The following RAPGEF5 variants were observed in gnomAD, a reference collection of about 807,000 sequenced individuals.
RAPGEF5 encodes Rap guanine nucleotide exchange factor 5.
Under a neutral mutation model 125.2 loss-of-function variants are expected in RAPGEF5, and 65 were observed. That is an observed-to-expected ratio of 0.52 (90% CI 0.43 to 0.64). RAPGEF5 has a LOEUF of 0.64. Among genes scored for constraint, RAPGEF5 ranks in the 30% least tolerant of loss-of-function variants. The pLI, the probability that RAPGEF5 is intolerant of heterozygous loss-of-function variation, is 0.00. For synonymous variants in RAPGEF5, 391 were observed against 385.9 expected (o/e 1.01, Z -0.16); for missense variants, 958 against 1,048.1 (o/e 0.91, Z 1.19).
In RAPGEF5 at chr7:22,162,506, T is replaced by C. The variant is rs200871852; in HGVS notation, c.1319A>G (p.Asn440Ser). The C allele has an allele frequency of 6.2e-7, 1 of 1,609,924 alleles. No homozygotes were observed. Among genetic ancestry groups the C allele is most frequent in the South Asian group, 1.1e-5 (1 of 90,980 alleles). The change falls in exon 13 of 26, where the codon AAC becomes AGC. Residue 440 changes from asparagine to serine, a missense_variant. Transcript: ENST00000665637. ...SAKKYQGKEE[N>S]SDVPRRKRKV... Reference sequence around the variant, plus strand: ...ACGTTTCCTACGCGGAACGTCTGAGTTTTCCTCTTTGCCTTGATACTTCTT... The same window carrying C: ...ACGTTTCCTACGCGGAACGTCTGAGCTTTCCTCTTTGCCTTGATACTTCTT...
intron 11 of RAPGEF5, among the ~76,000 whole-genome samples, chr7:22,179,649 T>C (rs1476195911): frequency 6.6e-6 from 1 of 151,958 alleles, no homozygotes; most frequent in Non-Finnish European, 1.5e-5. Flanking sequence ...CACAAAGATC[T>C]TGCTGATAAA....
intron 7 of RAPGEF5, among the ~76,000 whole-genome samples, chr7:22,254,636 C>T (rs952126606): frequency 1.3e-5 from 2 of 150,782 alleles, no homozygotes; most frequent in African/African-American, 4.9e-5. Flanking sequence ...AAAAATCAAA[C>T]CCCTCAGATT....
intron 6 of RAPGEF5, among the ~76,000 whole-genome samples, chr7:22,290,435 A>T (rs1230432394): frequency 6.6e-6 from 1 of 152,200 alleles, no homozygotes; most frequent in African/African-American, 2.4e-5. Context: ...TACAAAGTCT[A>T]ATCAATAGCT....
rs34791723 is a variant in RAPGEF5, at chr7:22,269,180, C to CAA, written c.748-2170_748-2169dup. 3.5e-3 allele frequency among the ~76,000 whole-genome samples: 258 copies of CAA among 73,820 alleles called. 2 individuals carry two copies. Among genetic ancestry groups the CAA allele is most frequent in the Middle Eastern group, 0.028 (3 of 106 alleles). The allele number at this position is 73,820 out of a possible 152,430, so 48.4% of individuals were successfully genotyped here. A position where few individuals can be genotyped will look rare whatever the true frequency, so the allele number is the denominator to read the frequency against. On this transcript the variant is annotated intron_variant, in intron 6 of 25. Coordinates refer to ENST00000665637, the MANE Select transcript of RAPGEF5 (RefSeq NM_012294.5). ...GCATTGGGAGGGAAAAAGTTTTTGA[C>CAA]AAAAAAAAAAAAAAAAAAAAGAAAC...
At chr7:22,211,880 C>T (rs1785514225) in intron 9 of RAPGEF5, among the ~76,000 whole-genome samples, 1 of 152,076 alleles carries the variant, frequency 6.6e-6, no homozygotes, top group African/African-American at 2.4e-5. Flanking sequence ...CCACAGTCCA[C>T]ACTTAGGCTC....
intron 17 of RAPGEF5, among the ~76,000 whole-genome samples, chr7:22,154,105 CT>C (rs35254223): frequency 0.031 from 4,647 of 149,378 alleles, 82 homozygotes; most frequent in Middle Eastern, 0.097. Context: ...GCCATCTTTC[CT>C]TTTTTTTTTC....
chr7:22,190,775 T>C (rs4722108), intron 11 of RAPGEF5, among the ~76,000 whole-genome samples: 141,538 of 152,200 alleles, frequency 0.93, 65,880 homozygotes, highest in East Asian at 0.99. Flanking sequence ...CTTGTTCAGT[T>C]ATCTTCCCCA....
At chr7:22,133,889 G>C (rs951178964) in intron 23 of RAPGEF5, among the ~76,000 whole-genome samples, 3 of 152,158 alleles carry the variant, frequency 2.0e-5, no homozygotes, top group African/African-American at 4.8e-5. Context: ...GGGCTGGAAG[G>C]ATCCTCAGGT....
intron 9 of RAPGEF5, among the ~76,000 whole-genome samples, chr7:22,217,492 T>C (rs1016232107): frequency 2.0e-5 from 3 of 152,176 alleles, no homozygotes; most frequent in Non-Finnish European, 4.4e-5. Flanking sequence ...TAGCAGGTGG[T>C]TTTTATTCCT....
At chr7:22,316,347 C>T (rs1188557953) in intron 2 of RAPGEF5, among the ~76,000 whole-genome samples, 4 of 73,182 alleles carry the variant, frequency 5.5e-5, no homozygotes, top group Non-Finnish European at 9.7e-5. Context: ...TATGTATCTA[C>T]TATATAGATA....
At chr7:22,326,939 CA>C (rs1446185389) in intron 1 of RAPGEF5, among the ~76,000 whole-genome samples, 1 of 152,078 alleles carries the variant, frequency 6.6e-6, no homozygotes, top group Non-Finnish European at 1.5e-5. Context: ...AGGTTCGTGG[CA>C]AAGTTTATTT....
At chr7:22,236,653 A>G (rs187719955) in intron 7 of RAPGEF5, among the ~76,000 whole-genome samples, 2 of 152,278 alleles carry the variant, frequency 1.3e-5, no homozygotes, top group Admixed American at 6.5e-5. Flanking sequence ...CCTCTCTGCC[A>G]TGGTCACATC....
In RAPGEF5 at chr7:22,310,031, T is replaced by C. The variant is rs745838503; in HGVS notation, c.449A>G (p.Gln150Arg). ...DWLLEHCPFV[Q>R]CRSMAIGVWQ... ...GACTCCTATGGCCATAGATCTGCAC[T>C]GGACGAAAGGACAGTGTTCTAGAAG... The change falls in exon 4 of 26, where the codon CAG (glutamine) becomes CGG (arginine). Residue 150 changes from glutamine (Q) to arginine (R), a missense_variant. Physicochemically the swap from Gln to Arg is conservative, Grantham distance 43. Transcript: ENST00000665637. The C allele has an allele frequency of 1.2e-6, 2 of 1,601,862 alleles. No individual in the cohort carries two copies. The highest frequency in any genetic ancestry group is 3.5e-5 in the Admixed American group (2 of 57,350).
intron 9 of RAPGEF5, among the ~76,000 whole-genome samples, chr7:22,196,249 G>C (rs889482999): frequency 6.6e-6 from 1 of 152,088 alleles, no homozygotes; most frequent in Non-Finnish European, 1.5e-5. Flanking sequence ...AAGAAGGAAA[G>C]GTAAATTAAT....
intron 7 of RAPGEF5, among the ~76,000 whole-genome samples, chr7:22,239,509 G>A (rs910050665): frequency 2.0e-5 from 3 of 151,924 alleles, no homozygotes; most frequent in African/African-American, 7.2e-5. Context: ...CACTTGACAA[G>A]GGGCAACTCA....
intron 11 of RAPGEF5, 33 bp from the exon 12 acceptor site, chr7:22,167,181 G>A (rs758623013): frequency 6.5e-7 from 1 of 1,538,872 alleles, no homozygotes; most frequent in Non-Finnish European, 9.0e-7. Flanking sequence ...CACAAGGTAA[G>A]CAAAGAGGTG....
At chr7:22,144,808 C>T (rs1379116916) in intron 20 of RAPGEF5, among the ~76,000 whole-genome samples, 1 of 152,180 alleles carries the variant, frequency 6.6e-6, no homozygotes, top group Non-Finnish European at 1.5e-5. Flanking sequence ...CTTATTAGTG[C>T]TGAGGCAGAG....
intron 6 of RAPGEF5, among the ~76,000 whole-genome samples, chr7:22,282,397 T>G (rs1782693359): frequency 6.6e-6 from 1 of 152,220 alleles, no homozygotes; most frequent in Admixed American, 6.5e-5. Context: ...AAAATGCTAT[T>G]TAATATAATT....
intron 6 of RAPGEF5, among the ~76,000 whole-genome samples, chr7:22,284,252 T>C (rs1029613557): frequency 6.6e-6 from 1 of 152,180 alleles, no homozygotes; most frequent in Non-Finnish European, 1.5e-5. Context: ...TGTGACGTGT[T>C]ACTCTGAGAT....
Sources: gnomAD v4.1 joint callset for allele counts (sites outside exome capture counted in the v4.1 genomes callset) on GRCh38, gnomAD v4.1.1 for gene constraint, MANE v1.5 for transcripts, NCBI Gene and HGNC (gene_info 2026-07-23, HGNC 2026-07-21) for gene names.